The following TNRC6B variants were observed in gnomAD, a reference collection of about 807,000 sequenced individuals.
The protein encoded by TNRC6B is trinucleotide repeat-containing gene 6B protein.
A neutral mutation model predicts 203.6 loss-of-function variants in TNRC6B; 52 were observed. The observed-to-expected ratio is 0.26, with a 90% CI of 0.20 to 0.32. The LOEUF (loss-of-function observed/expected upper bound fraction) is 0.32. Among genes scored for constraint, TNRC6B ranks in the 10% least tolerant of loss-of-function variants. The probability of loss-of-function intolerance (pLI) is 1.00; values close to 1 mark genes in which losing one functional copy is unlikely to be tolerated. For missense variants in TNRC6B, 1,923 were observed against 2,286.2 expected (o/e 0.84, Z 3.24); for synonymous variants, 838 against 845.7 (o/e 0.99, Z 0.16).
intron 3 of TNRC6B, among the ~76,000 whole-genome samples, chr22:40,145,221 G>A (rs1365909358): frequency 6.6e-6 from 1 of 152,048 alleles, no homozygotes; most frequent in Admixed American, 6.6e-5. Flanking sequence ...ACTGCAGCCT[G>A]GGTGACAGAG....
intron 1 of TNRC6B, among the ~76,000 whole-genome samples, chr22:40,230,589 G>A (rs1053820904): frequency 1.3e-5 from 2 of 152,004 alleles, no homozygotes; most frequent in Non-Finnish European, 2.9e-5. Flanking sequence ...ACCATGCCCG[G>A]CCTCTTTTGC....
chr22:40,178,249 C>T, intron 1 of TNRC6B, 109 bp downstream of exon 1: 2 of 1,288,720 alleles, frequency 1.6e-6, no homozygotes, highest in Non-Finnish European at 2.2e-6. Flanking sequence ...TGGAGACTGG[C>T]TTCAGACATT....
intron 12 of TNRC6B, among the ~76,000 whole-genome samples, chr22:40,296,061 A>C (rs1401606243): frequency 6.6e-6 from 1 of 152,142 alleles, no homozygotes. Context: ...AGAGGAAAAC[A>C]TATTGGGGCC....
At chr22:40,124,592 T>C (rs985853300) in intron 2 of TNRC6B, among the ~76,000 whole-genome samples, 5 of 152,148 alleles carry the variant, frequency 3.3e-5, no homozygotes, top group Non-Finnish European at 7.3e-5. Flanking sequence ...GCTGGGATTA[T>C]AGGCATGAGC....
Position 40,322,844 on chromosome 22 carries a change from C to A in TNRC6B, c.5115-10C>A. The A allele has an allele frequency of 6.2e-7, 1 of 1,613,710 alleles. No individual in the cohort carries two copies. Among genetic ancestry groups the A allele is most frequent in the South Asian group, 1.1e-5 (1 of 91,072 alleles). On this transcript the variant is annotated splice_polypyrimidine_tract_variant and intron_variant, in intron 22 of 22. Transcript: ENST00000454349. ...GAGATCCATAGCTCTCTTTCCCTCC[C>A]TTCTTCCAGGTGTGTGTTGGGAAAC...
At chr22:40,078,463 G>T (rs2068038050) in intron 1 of TNRC6B, among the ~76,000 whole-genome samples, 1 of 152,124 alleles carries the variant, frequency 6.6e-6, no homozygotes, top group South Asian at 2.1e-4. Context: ...AGTCAAGGTT[G>T]CAGTGAGCCC....
At chr22:40,076,308 T>G (rs2068012908) in intron 1 of TNRC6B, among the ~76,000 whole-genome samples, 1 of 152,164 alleles carries the variant, frequency 6.6e-6, no homozygotes, top group Non-Finnish European at 1.5e-5. Flanking sequence ...TTCCAGCTAC[T>G]CAGGAGGCTG....
rs2069933518 is a variant in TNRC6B, at chr22:40,235,354, A to G, written c.6-10661A>G. Among the ~76,000 whole-genome samples, 3 of 152,066 alleles carry G rather than the reference A, an allele frequency of 2.0e-5. No individual in the cohort carries two copies. In the South Asian group the frequency reaches 6.2e-4, roughly 31 times the overall value. Reference sequence around the variant, plus strand: ...GGTGACGCCCAGCACCACACCATGGAACTGGGGGTCCCGTGGGAGCTTTTT... The same window carrying G: ...GGTGACGCCCAGCACCACACCATGGGACTGGGGGTCCCGTGGGAGCTTTTT... On this transcript the variant is annotated intron_variant, in intron 1 of 22. Transcript: ENST00000454349.
At chr22:40,052,231 A>G (rs999268456) in intron 1 of TNRC6B, among the ~76,000 whole-genome samples, 1 of 152,090 alleles carries the variant, frequency 6.6e-6, no homozygotes, top group Admixed American at 6.6e-5. Flanking sequence ...ACTTTTAACA[A>G]TTTTTTTGGT....
chr22:40,218,671 A>G (rs78666753), intron 1 of TNRC6B, among the ~76,000 whole-genome samples: 8 of 152,128 alleles, frequency 5.3e-5, no homozygotes, highest in Non-Finnish European at 1.2e-4. Context: ...ACTGACAGAC[A>G]TTCTTTTTAT....
intron 1 of TNRC6B, among the ~76,000 whole-genome samples, chr22:40,047,518 G>A (rs891216436): frequency 3.3e-5 from 5 of 151,990 alleles, no homozygotes; most frequent in African/African-American, 1.2e-4. Context: ...CAGGAGAATC[G>A]CTTGAACCCG....
chr22:40,158,212 G>A (rs545063221), intron 4 of TNRC6B, among the ~76,000 whole-genome samples: 3 of 151,996 alleles, frequency 2.0e-5, no homozygotes, highest in South Asian at 2.1e-4. Flanking sequence ...GGTGGCACAC[G>A]CCTGTAATCC....
At chr22:40,255,684 G>A (rs2070264869) in intron 3 of TNRC6B, among the ~76,000 whole-genome samples, 1 of 152,184 alleles carries the variant, frequency 6.6e-6, no homozygotes, top group Non-Finnish European at 1.5e-5. Flanking sequence ...TAGGAGGCCA[G>A]GTGTTTAAAC....
intron 1 of TNRC6B, among the ~76,000 whole-genome samples, chr22:40,053,654 C>T (rs547338044): frequency 3.9e-5 from 6 of 152,268 alleles, no homozygotes; most frequent in African/African-American, 1.4e-4. Context: ...CTATTGTAGT[C>T]ATCTTTGCAT....
At chr22:40,229,068 C>G (rs761566402) in intron 1 of TNRC6B, among the ~76,000 whole-genome samples, 1 of 152,128 alleles carries the variant, frequency 6.6e-6, no homozygotes, top group Non-Finnish European at 1.5e-5. Context: ...AAATTAACAG[C>G]TTTGGTTCAA....
chr22:40,253,505 A>G, intron 3 of TNRC6B: 1 of 365,480 alleles, frequency 2.7e-6, no homozygotes, highest in South Asian at 2.1e-5. Context: ...TCACCACCAA[A>G]TTTTTTTTTT....
At chr22:40,134,163 C>G (rs1248329844) in intron 3 of TNRC6B, among the ~76,000 whole-genome samples, 1 of 152,074 alleles carries the variant, frequency 6.6e-6, no homozygotes, top group Non-Finnish European at 1.5e-5. Context: ...GGATGTGGAG[C>G]ATAACTTTCC....
chr22:40,314,374 G>A (rs1461912674), intron 19 of TNRC6B, among the ~76,000 whole-genome samples: 1 of 151,902 alleles, frequency 6.6e-6, no homozygotes, highest in Admixed American at 6.6e-5. Context: ...CATTCCTTCT[G>A]TTCCATTCTA....
At chr22:40,301,592 T>A in intron 15 of TNRC6B, 1 of 490,736 alleles carries the variant, frequency 2.0e-6, no homozygotes, top group Non-Finnish European at 3.6e-6. Flanking sequence ...TTTTTGTGTG[T>A]GTGTGTGTGT....
Sources: gnomAD v4.1 joint callset for allele counts (sites outside exome capture counted in the v4.1 genomes callset) on GRCh38, gnomAD v4.1.1 for gene constraint, MANE v1.5 for transcripts, NCBI Gene and HGNC (gene_info 2026-07-23, HGNC 2026-07-21) for gene names.